EPHA5: variants seen among roughly 807,000 people sequenced by gnomAD.
EPHA5 encodes the protein EPH receptor A5.
EPHA5 carries 60 observed loss-of-function variants against 105.0 expected under a neutral mutation model. That is an observed-to-expected ratio of 0.57 (90% CI 0.46 to 0.71). The LOEUF is 0.71. Among genes scored for constraint, EPHA5 ranks in the 30% least tolerant of loss-of-function variants. The pLI is 0.00. For synonymous variants in EPHA5, 513 were observed against 449.1 expected, an observed-to-expected ratio of 1.14 and a Z score of -1.80; for missense variants, 1,218 against 1,274.7, an observed-to-expected ratio of 0.96 and a Z score of 0.68.
At chr4:65,505,364 G>C (rs1041827614) in intron 3 of EPHA5, among the ~76,000 whole-genome samples, 3 of 151,896 alleles carry the variant, frequency 2.0e-5, no homozygotes, top group African/African-American at 7.3e-5. Context: ...TGAACAAATG[G>C]CACTTTTGAA....
chr4:65,400,061 T>C (rs1721662852), intron 8 of EPHA5, among the ~76,000 whole-genome samples: 1 of 152,104 alleles, frequency 6.6e-6, no homozygotes. Flanking sequence ...ATTTAAAGTA[T>C]TAAAAAGAGG....
chr4:65,448,349 A>G (rs28688968), intron 5 of EPHA5, among the ~76,000 whole-genome samples: 4 of 152,004 alleles, frequency 2.6e-5, no homozygotes, highest in African/African-American at 9.7e-5. Context: ...TTATTAAAAA[A>G]CAAAAATACA....
At chr4:65,638,211 G>T (rs1747327733) in intron 2 of EPHA5, among the ~76,000 whole-genome samples, 1 of 151,798 alleles carries the variant, frequency 6.6e-6, no homozygotes, top group Admixed American at 6.6e-5. Flanking sequence ...AATTCCCAAG[G>T]GACCAATACA....
chr4:65,421,358 A>G lies in EPHA5; in HGVS notation c.1403-793T>C, dbSNP rs1481073053. On this transcript the variant is annotated intron_variant, in intron 5 of 16. Transcript: ENST00000613740. ...ATGTCTAAAAGACATGGCAACATAG[A>G]ATAGTAATCTATGGGCCTCCTAGTT... Among the ~76,000 whole-genome samples the G allele has an allele frequency of 2.0e-5, 3 of 152,140 alleles. No homozygotes were observed. The East Asian group carries it at 5.8e-4, about 29-fold the overall frequency.
At chr4:65,460,664 T>A (rs1478837755) in intron 5 of EPHA5, among the ~76,000 whole-genome samples, 3 of 151,704 alleles carry the variant, frequency 2.0e-5, no homozygotes, top group African/African-American at 7.2e-5. Context: ...AGATAAAAAT[T>A]AGAGACTTCT....
Position 65,324,617 on chromosome 4 carries a change from T to C in EPHA5, c.2946-398A>G, listed in dbSNP as rs1719902133. On this transcript the variant is annotated intron_variant, in intron 16 of 16. Transcript: ENST00000613740. ...CTAAAAGAAGCTTGAAATAGACTTT[T>C]AATATTTTATAGCTAAGCAGTTGAA... Among the ~76,000 whole-genome samples, 3 of 151,366 alleles carry C rather than the reference T, an allele frequency of 2.0e-5. No homozygotes were observed. The Admixed American group carries it at 2.0e-4, about 10-fold the overall frequency.
chr4:65,594,405 A>G (rs1742972772), intron 3 of EPHA5, among the ~76,000 whole-genome samples: 1 of 152,204 alleles, frequency 6.6e-6, no homozygotes, highest in Admixed American at 6.5e-5. Flanking sequence ...CACGGTAACA[A>G]TATGGAACAT....
intron 8 of EPHA5, among the ~76,000 whole-genome samples, chr4:65,382,105 G>T (rs916945233): frequency 6.6e-6 from 1 of 151,458 alleles, no homozygotes; most frequent in Non-Finnish European, 1.5e-5. Flanking sequence ...TCTCCTGTGC[G>T]GCCATTCATC....
At chr4:65,500,028 G>GAATAATA (rs1241214075) in intron 3 of EPHA5, among the ~76,000 whole-genome samples, 1 of 150,648 alleles carries the variant, frequency 6.6e-6, no homozygotes, top group Non-Finnish European at 1.5e-5. Context: ...TTCATGGGTG[G>GAATAATA]AATAATAAAT....
intron 11 of EPHA5, among the ~76,000 whole-genome samples, chr4:65,355,630 C>T (rs1723227546): frequency 6.6e-6 from 1 of 151,486 alleles, no homozygotes; most frequent in South Asian, 2.1e-4. Flanking sequence ...ACTGTTTGGG[C>T]ACGGGTATCT....
At chr4:65,359,612 T>TC (rs1717077660) in intron 11 of EPHA5, among the ~76,000 whole-genome samples, 6 of 151,552 alleles carry the variant, frequency 4.0e-5, no homozygotes. Flanking sequence ...CCTCACTTTT[T>TC]CTCATACTTC....
intron 5 of EPHA5, among the ~76,000 whole-genome samples, chr4:65,473,268 C>G (rs1729465580): frequency 6.6e-6 from 1 of 152,158 alleles, no homozygotes; most frequent in Admixed American, 6.5e-5. Context: ...ACGATGCCAA[C>G]CTCTGCCTGT....
intron 3 of EPHA5, among the ~76,000 whole-genome samples, chr4:65,532,756 G>T (rs182390085): frequency 2.2e-4 from 32 of 145,760 alleles, no homozygotes; most frequent in African/African-American, 7.9e-4. Context: ...TAAAACAACT[G>T]TAACCTCTAT....
chr4:65,639,498 C>T (rs137923831), intron 2 of EPHA5, among the ~76,000 whole-genome samples: 2 of 152,220 alleles, frequency 1.3e-5, no homozygotes, highest in East Asian at 3.9e-4. Flanking sequence ...AGATGTTTGA[C>T]TCTTGCTACT....
chr4:65,419,697 T>C (rs1337417882), intron 6 of EPHA5, among the ~76,000 whole-genome samples: 1 of 152,136 alleles, frequency 6.6e-6, no homozygotes, highest in African/African-American at 2.4e-5. Flanking sequence ...GGAAGACTCA[T>C]GGTGGCTACA....
intron 3 of EPHA5, among the ~76,000 whole-genome samples, chr4:65,522,851 A>G (rs1189046305): frequency 6.6e-6 from 1 of 151,938 alleles, no homozygotes; most frequent in Non-Finnish European, 1.5e-5. Flanking sequence ...CACTTATACA[A>G]CAGGCCAAAT....
At position 65,670,403 on chromosome 4, in the gene EPHA5, C is replaced by A. The variant is rs1282351379; in HGVS notation, c.-661G>T. Reference sequence around the variant, plus strand: ...CGCTGCGGCGGCCCAGGAGCTGCTGCGGTTCCCGCTGCTCGGGGAGCAGGC... The same window carrying A: ...CGCTGCGGCGGCCCAGGAGCTGCTGAGGTTCCCGCTGCTCGGGGAGCAGGC... On this transcript the variant is annotated 5_prime_UTR_variant, in exon 1 of 17. Transcript: ENST00000613740. 8.6e-6 allele frequency: 2 copies of A among 233,506 alleles called. No homozygotes were observed. Among genetic ancestry groups the A allele is most frequent in the African/African-American group, 4.4e-5 (2 of 45,354 alleles). 14.5% of individuals were successfully genotyped at this position (233,506 alleles called of 1,614,324 possible).
At chr4:65,548,272 A>G (rs1737577926) in intron 3 of EPHA5, among the ~76,000 whole-genome samples, 1 of 120,952 alleles carries the variant, frequency 8.3e-6, no homozygotes. Context: ...TAAAATACAA[A>G]AGTATAACAA....
At chr4:65,486,606 GA>G (rs1449651432) in intron 5 of EPHA5, among the ~76,000 whole-genome samples, 2 of 152,142 alleles carry the variant, frequency 1.3e-5, no homozygotes, top group Non-Finnish European at 1.5e-5. Context: ...AAAATCTGCT[GA>G]AAAAAGTTTT....
Sources: gnomAD v4.1 joint callset for allele counts (sites outside exome capture counted in the v4.1 genomes callset) on GRCh38, gnomAD v4.1.1 for gene constraint, MANE v1.5 for transcripts, NCBI Gene and HGNC (gene_info 2026-07-23, HGNC 2026-07-21) for gene names.